CAAP1: variants seen among roughly 807,000 people sequenced by gnomAD.
CAAP1 encodes conserved anti-apoptotic protein.
In CAAP1, 20 loss-of-function variants were observed where a neutral mutation model predicts 34.0. The ratio of observed to expected loss-of-function variants is 0.59; its 90% CI spans 0.41 to 0.86. CAAP1 has a LOEUF of 0.86. Among genes scored for constraint, CAAP1 ranks in the 40% least tolerant of loss-of-function variants. The pLI, the probability that CAAP1 is intolerant of heterozygous loss-of-function variation, is 0.00. For missense variants in CAAP1, 538 were observed against 450.5 expected (o/e 1.19, Z -1.76); for synonymous variants, 213 against 166.7 (o/e 1.28, Z -2.14).
At chr9:26,847,928 T>C (rs957135429) in intron 5 of CAAP1, among the ~76,000 whole-genome samples, 4 of 152,198 alleles carry the variant, frequency 2.6e-5, no homozygotes, top group African/African-American at 7.2e-5. Context: ...GGAGGGGAAG[T>C]AGATACGTAT....
intron 4 of CAAP1, among the ~76,000 whole-genome samples, chr9:26,883,955 T>A (rs1035673317): frequency 3.3e-5 from 5 of 152,300 alleles, no homozygotes; most frequent in Non-Finnish European, 5.9e-5. Flanking sequence ...TCCTACCCAA[T>A]AGCATTTATG....
At chr9:26,880,523 G>A in intron 4 of CAAP1, 1 of 176,676 alleles carries the variant, frequency 5.7e-6, no homozygotes, top group Non-Finnish European at 1.2e-5. Flanking sequence ...CAGTTAATGT[G>A]CAAGCAGTCT....
intron 4 of CAAP1, among the ~76,000 whole-genome samples, chr9:26,879,469 A>G (rs946855035): frequency 1.6e-4 from 25 of 152,328 alleles, no homozygotes; most frequent in African/African-American, 5.8e-4. Context: ...TTTCACTAAC[A>G]ATCATATACT....
In CAAP1 at chr9:26,852,605, T is replaced by C. The variant is rs574948624; in HGVS notation, c.739+8461A>G. 2.0e-5 allele frequency among the ~76,000 whole-genome samples: 3 copies of C among 152,306 alleles called. No homozygotes were observed. In the South Asian group the frequency reaches 6.2e-4, roughly 32 times the overall value. On this transcript the variant is annotated intron_variant, in intron 5 of 5. Transcript: ENST00000333916. Reference sequence around the variant, plus strand: ...AGTACACTACTGGTGTAAATAAGTTTAGATTTCAGATTTGACATATTGGAA... The same window carrying C: ...AGTACACTACTGGTGTAAATAAGTTCAGATTTCAGATTTGACATATTGGAA...
At chr9:26,864,345 A>G (rs931648218) in intron 4 of CAAP1, among the ~76,000 whole-genome samples, 5 of 152,166 alleles carry the variant, frequency 3.3e-5, no homozygotes, top group Admixed American at 3.3e-4. Context: ...AAAGTTAAAA[A>G]TATATTTCTA....
intron 5 of CAAP1, among the ~76,000 whole-genome samples, chr9:26,860,559 G>A (rs1289613839): frequency 2.6e-5 from 4 of 152,142 alleles, no homozygotes; most frequent in African/African-American, 9.7e-5. Context: ...TTGGGTGGCC[G>A]AGGCGGGTGG....
intron 5 of CAAP1, among the ~76,000 whole-genome samples, chr9:26,855,096 T>G (rs1224720504): frequency 6.6e-6 from 1 of 152,234 alleles, no homozygotes; most frequent in African/African-American, 2.4e-5. Flanking sequence ...TCCAAGATGT[T>G]ATGGGTGAAT....
chr9:26,849,398 G>T (rs1295339537), intron 5 of CAAP1, among the ~76,000 whole-genome samples: 1 of 152,172 alleles, frequency 6.6e-6, no homozygotes, highest in Non-Finnish European at 1.5e-5. Flanking sequence ...CACAGTTAAT[G>T]TAAGGAATAT....
At chr9:26,865,583 G>A (rs1399811564) in intron 4 of CAAP1, among the ~76,000 whole-genome samples, 1 of 151,990 alleles carries the variant, frequency 6.6e-6, no homozygotes, top group Non-Finnish European at 1.5e-5. Flanking sequence ...GAATGGAGGG[G>A]GAAATCCCCA....
intron 5 of CAAP1, among the ~76,000 whole-genome samples, chr9:26,854,532 T>G (rs1342302288): frequency 6.6e-6 from 1 of 152,128 alleles, no homozygotes; most frequent in Non-Finnish European, 1.5e-5. Flanking sequence ...ATTTACAAAG[T>G]CTCACCTGAA....
chr9:26,855,819 T>TAATGACTA (rs1822857861), intron 5 of CAAP1, among the ~76,000 whole-genome samples: 1 of 152,152 alleles, frequency 6.6e-6, no homozygotes, highest in Non-Finnish European at 1.5e-5. Context: ...GGTAAGAGCG[T>TAATGACTA]AATGACTAAA....
chr9:26,889,246 G>A (rs111883230), intron 1 of CAAP1, among the ~76,000 whole-genome samples: 6,958 of 152,050 alleles, frequency 0.046, 545 homozygotes, highest in African/African-American at 0.16. Context: ...GTGAAACCCC[G>A]TGTCTAATAA....
chr9:26,880,074 C>A, intron 4 of CAAP1: 1 of 178,972 alleles, frequency 5.6e-6, no homozygotes, highest in South Asian at 8.2e-5. Flanking sequence ...CTCAAAACTA[C>A]CAATAATAGG....
intron 4 of CAAP1, among the ~76,000 whole-genome samples, chr9:26,870,541 G>A (rs1194334181): frequency 1.4e-5 from 2 of 138,300 alleles, no homozygotes; most frequent in Non-Finnish European, 3.1e-5. Context: ...TGTGTATATA[G>A]ACACATACAC....
At chr9:26,856,922 A>G (rs916181689) in intron 5 of CAAP1, among the ~76,000 whole-genome samples, 1 of 152,266 alleles carries the variant, frequency 6.6e-6, no homozygotes, top group Non-Finnish European at 1.5e-5. Flanking sequence ...TTGAATTTAC[A>G]AAGGAAAATA....
At chr9:26,846,440 G>A (rs10967561) in intron 5 of CAAP1, among the ~76,000 whole-genome samples, 2,012 of 110,038 alleles carry the variant, frequency 0.018, 51 homozygotes, top group African/African-American at 0.054. Flanking sequence ...AAAAAAAAAA[G>A]AAGAAGAAAA....
chr9:26,892,411 A>G lies in CAAP1; in HGVS notation c.303+2T>C. 6.2e-7 allele frequency: 1 copy of G among 1,604,646 alleles called. No individual in the cohort carries two copies. The highest frequency in any genetic ancestry group is 8.5e-7 in the Non-Finnish European group (1 of 1,178,278). On this transcript the variant is annotated splice_donor_variant, in intron 1 of 5. Transcript: ENST00000333916. LOFTEE classifies it high-confidence loss of function. ...GAAGCGGCCAGAGGGGCGCGCACGC[A>G]CCTGCTGCAAGGAGCCCGAGACGCT...
At chr9:26,888,863 T>C (rs1388070632) in intron 1 of CAAP1, among the ~76,000 whole-genome samples, 3 of 152,120 alleles carry the variant, frequency 2.0e-5, no homozygotes, top group African/African-American at 7.2e-5. Context: ...AAGTGATAAA[T>C]GGAAAAATGA....
intron 4 of CAAP1, among the ~76,000 whole-genome samples, chr9:26,866,963 C>T (rs1823153486): frequency 6.6e-6 from 1 of 152,080 alleles, no homozygotes; most frequent in African/African-American, 2.4e-5. Flanking sequence ...AACTGAGCCG[C>T]ACAGTAGGAG....
Sources: gnomAD v4.1 joint callset for allele counts (sites outside exome capture counted in the v4.1 genomes callset) on GRCh38, gnomAD v4.1.1 for gene constraint, MANE v1.5 for transcripts, NCBI Gene and HGNC (gene_info 2026-07-23, HGNC 2026-07-21) for gene names.